The following ITPA variants were observed in gnomAD, a reference collection of about 807,000 sequenced individuals.
ITPA encodes inosine triphosphate pyrophosphatase.
A neutral mutation model predicts 29.6 loss-of-function variants in ITPA; 29 were observed. That is an observed-to-expected ratio of 0.98 (90% CI 0.73 to 1.34). ITPA has a LOEUF of 1.34. Ranked by LOEUF, ITPA falls within the 40% of genes most tolerant of loss-of-function variation. ITPA has a pLI of 0.00. For synonymous variants in ITPA, 103 were observed against 99.3 expected (o/e 1.04, Z -0.22); for missense variants, 241 against 251.5 (o/e 0.96, Z 0.28).
At chr20:3,220,026 GGAGT>G (rs2067419786) in intron 6 of ITPA, among the ~76,000 whole-genome samples, 1 of 141,854 alleles carries the variant, frequency 7.0e-6, no homozygotes, top group Non-Finnish European at 1.5e-5. Context: ...ATGGAGTGAC[GGAGT>G]GAGACCCAGT....
intron 5 of ITPA, among the ~76,000 whole-genome samples, chr20:3,216,989 T>TC (rs1419540183): frequency 6.6e-6 from 1 of 152,004 alleles, no homozygotes; most frequent in Non-Finnish European, 1.5e-5. Context: ...CAAGTGATTC[T>TC]CCTGCCTCAG....
downstream of ITPA, among the ~76,000 whole-genome samples, chr20:3,226,926 C>A (rs1050966956): frequency 6.6e-6 from 1 of 152,208 alleles, no homozygotes; most frequent in Non-Finnish European, 1.5e-5. The surrounding 1 kb of genome is among the most constrained non-coding windows in gnomAD (Gnocchi z 4.4). Context: ...ATTCCCACCC[C>A]GTGTCCTGCC....
At chr20:3,213,789 C>T (rs2067227342) in intron 3 of ITPA, among the ~76,000 whole-genome samples, 196 bp from the exon 4 acceptor site, 1 of 152,166 alleles carries the variant, frequency 6.6e-6, no homozygotes, top group Non-Finnish European at 1.5e-5. Flanking sequence ...TAACAATCGG[C>T]CAAAGCTTGG....
At chr20:3,212,840 T>C (rs6084304) in intron 1 of ITPA, among the ~76,000 whole-genome samples, 62,718 of 151,918 alleles carry the variant, frequency 0.41, 13,389 homozygotes, top group South Asian at 0.6. Flanking sequence ...TCATAGGCCT[T>C]CTGAATTCTG....
upstream of ITPA, among the ~76,000 whole-genome samples, chr20:3,207,640 G>C (rs1218179663): frequency 1.3e-5 from 2 of 151,906 alleles, no homozygotes; most frequent in African/African-American, 4.8e-5. Flanking sequence ...GTTGAAGTGA[G>C]CCGAGATCGT....
intron 6 of ITPA, 114 bp downstream of exon 6, chr20:3,218,746 G>A: frequency 1.3e-6 from 1 of 756,460 alleles, no homozygotes; most frequent in Non-Finnish European, 2.3e-6. Flanking sequence ...TGGGGCCAGA[G>A]ATATCTGTGC....
intron 6 of ITPA, chr20:3,218,932 T>G (rs2067386645): frequency 2.2e-6 from 1 of 458,614 alleles, no homozygotes; most frequent in African/African-American, 2.0e-5. Context: ...GAGGCTGTTG[T>G]TTCAGGGAAA....
In ITPA at chr20:3,209,757, C is replaced by T; in HGVS notation, c.66+140C>T. On this transcript the variant is annotated intron_variant, in intron 1 of 7. Transcript: ENST00000380113. The surrounding 1 kb of genome is among the most constrained non-coding windows in gnomAD (Gnocchi z 4.6). ...CCCGGAAGAATGGGTCCTGACCCGG[C>T]TGTGTGGAAAAGCTGGGGCGCAAGA... The T allele has an allele frequency of 1.4e-6, 1 of 716,806 alleles. No homozygotes were observed. The highest frequency in any genetic ancestry group is 1.8e-5 in the African/African-American group (1 of 56,084). The allele number at this position is 716,806 out of a possible 1,614,324, so 44.4% of individuals were successfully genotyped here.
At chr20:3,207,696 A>AAACAACAACAACAACAACAACAAC (rs369887745), upstream of ITPA, among the ~76,000 whole-genome samples, 217 of 150,690 alleles carry the variant, frequency 1.4e-3, no homozygotes, top group Middle Eastern at 3.4e-3. Flanking sequence ...CTCCATCTCA[A>AAACAACAACAACAACAACAACAAC]AACAACAACA....
At chr20:3,205,772 G>A (rs903055214), upstream of ITPA, among the ~76,000 whole-genome samples, 5 of 152,064 alleles carry the variant, frequency 3.3e-5, no homozygotes, top group African/African-American at 7.2e-5. Context: ...GAAAAAATAC[G>A]GGCCAGATGA....
Position 3,210,232 on chromosome 20 carries a change from G to GCTCATTC in ITPA, c.66+616_66+617insTCATTCC, listed in dbSNP as rs377683848. ...AGAAACACACAGGGAGCTCATGTAA[G>GCTCATTC]CCACCAGATGACTCCTGTGGGAATA... On this transcript the variant is annotated intron_variant, in intron 1 of 7. Transcript: ENST00000380113. Among the ~76,000 whole-genome samples the GCTCATTC allele has an allele frequency of 1.9e-3, 284 of 152,324 alleles. 1 individual carries two copies. Among genetic ancestry groups the GCTCATTC allele is most frequent in the African/African-American group, 6.2e-3 (257 of 41,576 alleles).
At chr20:3,215,362 G>C (rs1466642130) in intron 5 of ITPA, 50 bp downstream of exon 5, 1 of 1,585,298 alleles carries the variant, frequency 6.3e-7, no homozygotes, top group East Asian at 2.2e-5. Flanking sequence ...TGAGAATCTG[G>C]GCTTTGTCTA....
downstream of ITPA, chr20:3,223,926 G>A (rs1022730950): frequency 1.8e-4 from 33 of 186,412 alleles, no homozygotes; most frequent in African/African-American, 6.6e-4. Flanking sequence ...TTGGGTGGGG[G>A]TGGGGATGGG....
At chr20:3,213,071 G>T in intron 1 of ITPA, 98 bp from the exon 2 acceptor site, 1 of 1,270,658 alleles carries the variant, frequency 7.9e-7, no homozygotes, top group Non-Finnish European at 1.2e-6. Flanking sequence ...TTAGGAGATG[G>T]GCAGCAGAGT....
At chr20:3,206,387 C>T (rs1403886778), upstream of ITPA, among the ~76,000 whole-genome samples, 1 of 33,622 alleles carries the variant, frequency 3.0e-5, no homozygotes, top group Non-Finnish European at 5.7e-5. Flanking sequence ...GACTCAGTCT[C>T]AAAAAAAAAA....
At chr20:3,219,519 C>T (rs1031147835) in intron 6 of ITPA, among the ~76,000 whole-genome samples, 5 of 150,844 alleles carry the variant, frequency 3.3e-5, no homozygotes, top group African/African-American at 9.8e-5. Flanking sequence ...CTGAGGCGGG[C>T]GGATCACCTG....
At chr20:3,218,120 G>A (rs1321007968) in intron 5 of ITPA, among the ~76,000 whole-genome samples, 9 of 151,678 alleles carry the variant, frequency 5.9e-5, no homozygotes, top group Non-Finnish European at 8.8e-5. Flanking sequence ...GGGTTTCACC[G>A]TGTTAGCCAG....
intron 6 of ITPA, among the ~76,000 whole-genome samples, chr20:3,220,395 G>A (rs1429692646): frequency 6.6e-6 from 1 of 152,026 alleles, no homozygotes; most frequent in Non-Finnish European, 1.5e-5. Context: ...ATAGGCGTGA[G>A]CAAAAAACAT....
chr20:3,213,056 A>G, intron 1 of ITPA, 113 bp from the exon 2 acceptor site: 1 of 1,152,356 alleles, frequency 8.7e-7, no homozygotes, highest in Non-Finnish European at 1.3e-6. Context: ...CTGAGTTGGT[A>G]AGCTTTAGGA....
Sources: allele counts gnomAD v4.1 joint callset (sites outside exome capture counted in the v4.1 genomes callset), GRCh38; gene constraint gnomAD v4.1.1; non-coding constraint Gnocchi (gnomAD v3.1); transcripts MANE v1.5; gene names NCBI Gene and HGNC (gene_info 2026-07-23, HGNC 2026-07-21).